Variants in VAV2 observed in about 807,000 individuals in gnomAD.
VAV2 encodes vav guanine nucleotide exchange factor 2, also known as guanine nucleotide exchange factor VAV2.
Under a neutral mutation model 132.5 loss-of-function variants are expected in VAV2, and 67 were observed. The observed-to-expected ratio is 0.51, with a 90% confidence interval of 0.42 to 0.62. VAV2 has a LOEUF of 0.62. VAV2 is among the 20% of genes least tolerant of loss of function. The pLI is 0.00. For missense variants in VAV2, 938 were observed against 1,153.6 expected (o/e 0.81, Z 2.71); for synonymous variants, 492 against 443.5 (o/e 1.11, Z -1.37).
chr9:133,785,723 C>T lies in VAV2; in HGVS notation c.1532+53G>A, dbSNP rs1564344116. ...AGACACAATCCACCTGGGCTTCCAC[C>T]CCCCATACAACTCATCTGCCAGGGA... On this transcript the variant is annotated intron_variant, in intron 17 of 29. Transcript: ENST00000371850. 4 of 1,553,188 alleles carry T rather than the reference C, an allele frequency of 2.6e-6. No homozygotes were observed. In the East Asian group the frequency reaches 6.8e-5, roughly 26 times the overall value.
intron 26 of VAV2, 103 bp downstream of exon 26, chr9:133,771,856 G>T: frequency 1.8e-6 from 2 of 1,107,020 alleles, no homozygotes; most frequent in Non-Finnish European, 2.7e-6. Flanking sequence ...ACACTGGGAA[G>T]AATCAATCCT....
At position 133,776,030 on chromosome 9, in the gene VAV2, G is replaced by A; in HGVS notation, c.2016C>T (p.Pro672=). ...TCTGCAGCCCACGATCCACTCACCA[G>A]GGGTATGCAGTGTAGTCGATCTCCC... The part of the protein sequence containing the change: ...PSREIDYTAY[P]WFAGNMERQQ... Residue 672 remains proline (P), a splice_region_variant and synonymous_variant, in exon 24 of 30, where the codon CCC becomes CCT. Coordinates refer to ENST00000371850, the MANE Select transcript of VAV2 (RefSeq NM_001134398.2). 6.2e-7 allele frequency: 1 copy of A among 1,612,400 alleles called. No homozygotes were observed. The highest frequency in any genetic ancestry group is 1.1e-5 in the South Asian group (1 of 90,874).
intron 6 of VAV2, among the ~76,000 whole-genome samples, chr9:133,809,963 G>A (rs778757816): frequency 4.6e-5 from 7 of 152,174 alleles, no homozygotes; most frequent in Non-Finnish European, 5.9e-5. Flanking sequence ...CCAAGGGTCC[G>A]CTTGGGTCTG....
intron 2 of VAV2, among the ~76,000 whole-genome samples, chr9:133,910,866 A>G (rs1839861236): frequency 6.6e-6 from 1 of 151,970 alleles, no homozygotes; most frequent in Admixed American, 6.6e-5. Context: ...TGGGGACAGA[A>G]ATGCAGTCAG....
chr9:133,870,166 G>A (rs977237255), intron 2 of VAV2, among the ~76,000 whole-genome samples: 5 of 152,112 alleles, frequency 3.3e-5, no homozygotes, highest in South Asian at 2.1e-4. Flanking sequence ...AAACAAAAGC[G>A]AGCAGGAAAG....
chr9:133,894,208 G>A (rs971227717), intron 2 of VAV2, among the ~76,000 whole-genome samples: 2 of 152,232 alleles, frequency 1.3e-5, no homozygotes, highest in Non-Finnish European at 1.5e-5. Context: ...TCCAGGGACC[G>A]TGGACACACA....
At chr9:133,805,796 C>A (rs1270601447) in intron 9 of VAV2, among the ~76,000 whole-genome samples, 1 of 152,190 alleles carries the variant, frequency 6.6e-6, no homozygotes, top group Non-Finnish European at 1.5e-5. Flanking sequence ...CTGGGACAGC[C>A]GAGCCACTTG....
intron 1 of VAV2, among the ~76,000 whole-genome samples, chr9:133,983,688 G>A (rs1046593097): frequency 2.6e-5 from 4 of 151,986 alleles, no homozygotes; most frequent in East Asian, 1.9e-4. Context: ...TTGCAGCCCC[G>A]GGTCCTTCCT....
chr9:133,951,547 CAT>C (rs1019163632), intron 1 of VAV2, among the ~76,000 whole-genome samples: 1 of 152,154 alleles, frequency 6.6e-6, no homozygotes, highest in Non-Finnish European at 1.5e-5. Context: ...TCGTGAGGCC[CAT>C]ATGTGGGAGC....
chr9:133,771,316 G>A (rs1218804349), intron 26 of VAV2, among the ~76,000 whole-genome samples: 18 of 151,962 alleles, frequency 1.2e-4, no homozygotes, highest in African/African-American at 3.9e-4. Flanking sequence ...CACCCACCTC[G>A]GCCTCCCAGA....
chr9:133,780,099 C>T (rs1833955684), intron 20 of VAV2, 160 bp from the exon 21 acceptor site: 5 of 933,196 alleles, frequency 5.4e-6, no homozygotes, highest in Admixed American at 2.2e-5. Flanking sequence ...TATGGGACGC[C>T]CCCACCCTGG....
chr9:133,977,906 T>TG lies in VAV2; in HGVS notation c.204+14168dup, dbSNP rs374921194. On this transcript the variant is annotated intron_variant, in intron 1 of 29. Coordinates refer to ENST00000371850, the MANE Select transcript of VAV2 (RefSeq NM_001134398.2). ...TCTGCCCCTCAGCTGGCAAAGGGGATGGGGCGTCCACCTGCCCTGGGGCAC... is the reference window on the plus strand; with the variant it reads ...TCTGCCCCTCAGCTGGCAAAGGGGATGGGGGCGTCCACCTGCCCTGGGGCAC... Among the ~76,000 whole-genome samples, 5 of 152,104 alleles carry TG rather than the reference T, an allele frequency of 3.3e-5. No individual in the cohort carries two copies. In the East Asian group the frequency reaches 9.7e-4, roughly 30 times the overall value.
intron 2 of VAV2, among the ~76,000 whole-genome samples, chr9:133,913,444 C>A (rs944734947): frequency 6.6e-6 from 1 of 152,160 alleles, no homozygotes; most frequent in African/African-American, 2.4e-5. Flanking sequence ...CTTCCTGGTG[C>A]CCCACTCCGG....
chr9:133,818,268 A>G (rs1166006341), intron 4 of VAV2, among the ~76,000 whole-genome samples: 2 of 151,146 alleles, frequency 1.3e-5, no homozygotes, highest in African/African-American at 2.4e-5. Flanking sequence ...CAAGAGGCTG[A>G]GGCAGGAGAA....
intron 3 of VAV2, among the ~76,000 whole-genome samples, chr9:133,850,558 C>G (rs1027883939): frequency 6.6e-6 from 1 of 152,218 alleles, no homozygotes; most frequent in African/African-American, 2.4e-5. Flanking sequence ...CATGAGACCT[C>G]AGGAAAGTGA....
rs1001012843 is a variant in VAV2 at position 133,863,998 on chromosome 9, C to G, written c.322-2566G>C. ...GGCTGTGCCCACCCCACTCCCAGGA[C>G]AGACAGAGAGCTGGGTGTCCCCAGG... On this transcript the variant is annotated intron_variant, in intron 2 of 29. Coordinates refer to ENST00000371850, the MANE Select transcript of VAV2 (RefSeq NM_001134398.2). The surrounding 1 kb of genome is among the most constrained non-coding windows in gnomAD (Gnocchi z 5.0). Among the ~76,000 whole-genome samples, 1 of 152,100 alleles carries G rather than the reference C, an allele frequency of 6.6e-6. No homozygotes were observed. The highest frequency in any genetic ancestry group is 1.5e-5 in the Non-Finnish European group (1 of 67,948).
chr9:133,763,754 C>G lies in VAV2; in HGVS notation c.*308G>C. On this transcript the variant is annotated 3_prime_UTR_variant, in exon 30 of 30. Coordinates refer to ENST00000371850, the MANE Select transcript of VAV2 (RefSeq NM_001134398.2). This position sits in a 1 kb window ranked among gnomAD's most constrained non-coding sequence, Gnocchi z 6.8. ...CAGTTGGACAGGGGCAGGCGATGGG[C>G]CTCTGGCCTCAGCCACTACCCAGAG... The G allele has an allele frequency of 2.4e-6, 1 of 421,458 alleles. No individual in the cohort carries two copies. The highest frequency in any genetic ancestry group is 2.5e-5 in the South Asian group (1 of 39,590). 26.1% of individuals were successfully genotyped at this position (421,458 alleles called of 1,614,324 possible).
chr9:133,855,290 T>C (rs1837342936), intron 3 of VAV2, among the ~76,000 whole-genome samples: 1 of 152,244 alleles, frequency 6.6e-6, no homozygotes, highest in South Asian at 2.1e-4. Flanking sequence ...CTGCAGAGTC[T>C]GCCAAGGCCC....
intron 2 of VAV2, among the ~76,000 whole-genome samples, chr9:133,901,258 G>T (rs577929636): frequency 3.9e-5 from 6 of 152,316 alleles, no homozygotes; most frequent in African/African-American, 1.4e-4. Context: ...TTTATTGGGC[G>T]CTTGCCATTC....
Sources: gnomAD v4.1 joint callset for allele counts (sites outside exome capture counted in the v4.1 genomes callset) on GRCh38, gnomAD v4.1.1 for gene constraint, Gnocchi (gnomAD v3.1) non-coding constraint, MANE v1.5 for transcripts, NCBI Gene and HGNC (gene_info 2026-07-23, HGNC 2026-07-21) for gene names.